The following NXPH2 variants were observed in gnomAD, a reference collection of about 807,000 sequenced individuals.
NXPH2 encodes neurexophilin-2.
Under a neutral mutation model 19.8 loss-of-function variants are expected in NXPH2, and 5 were observed. The observed-to-expected ratio is 0.25, with a 90% CI of 0.13 to 0.53. The LOEUF (loss-of-function observed/expected upper bound fraction) is 0.53, where lower values mean the gene tolerates loss of function less well. Among genes scored for constraint, NXPH2 ranks in the 20% least tolerant of loss-of-function variants. The pLI, the probability that NXPH2 is intolerant of heterozygous loss-of-function variation, is 0.96. For synonymous variants in NXPH2, 154 were observed against 127.4 expected (o/e 1.21, Z -1.41); for missense variants, 289 against 322.8 (o/e 0.90, Z 0.80).
chr2:138,680,041 G>T (rs1178590022), intron 1 of NXPH2, among the ~76,000 whole-genome samples: 1 of 152,016 alleles, frequency 6.6e-6, no homozygotes, highest in Admixed American at 6.6e-5. Context: ...GCAAAGAAAT[G>T]AATAAGAAAA....
intron 1 of NXPH2, among the ~76,000 whole-genome samples, chr2:138,759,830 C>T (rs569038116): frequency 2.0e-5 from 3 of 150,946 alleles, no homozygotes; most frequent in Admixed American, 1.3e-4. Context: ...CCCAGGTTCA[C>T]GCCATTCTCC....
At chr2:138,730,862 G>A (rs1417649231) in intron 1 of NXPH2, among the ~76,000 whole-genome samples, 5 of 152,274 alleles carry the variant, frequency 3.3e-5, no homozygotes, top group Middle Eastern at 3.4e-3. Flanking sequence ...ACGCCACTGG[G>A]TCTGGAGTGG....
chr2:138,701,171 T>G (rs1680916826), intron 1 of NXPH2, among the ~76,000 whole-genome samples: 1 of 152,092 alleles, frequency 6.6e-6, no homozygotes, highest in African/African-American at 2.4e-5. Flanking sequence ...CTAGGAGCGT[T>G]TGCAATCTGC....
At chr2:138,694,678 T>C (rs1221773098) in intron 1 of NXPH2, among the ~76,000 whole-genome samples, 1 of 152,198 alleles carries the variant, frequency 6.6e-6, no homozygotes, top group Non-Finnish European at 1.5e-5. Context: ...GTTTGTAGTA[T>C]AGATGGTCTC....
At chr2:138,755,325 G>A (rs916309213) in intron 1 of NXPH2, among the ~76,000 whole-genome samples, 4 of 151,872 alleles carry the variant, frequency 2.6e-5, no homozygotes, top group Non-Finnish European at 5.9e-5. Flanking sequence ...TATGTCTATG[G>A]TCTGTTTTGA....
intron 1 of NXPH2, among the ~76,000 whole-genome samples, chr2:138,758,930 A>G (rs1282351819): frequency 2.0e-5 from 3 of 152,194 alleles, no homozygotes; most frequent in Non-Finnish European, 4.4e-5. Context: ...ACCTTGACAG[A>G]TATAAAACTT....
At chr2:138,742,051 C>A (rs1384144331) in intron 1 of NXPH2, among the ~76,000 whole-genome samples, 2 of 151,874 alleles carry the variant, frequency 1.3e-5, no homozygotes, top group Non-Finnish European at 2.9e-5. Flanking sequence ...TGTCAGCAAT[C>A]CAAATGAAAG....
intron 1 of NXPH2, among the ~76,000 whole-genome samples, chr2:138,776,783 G>T (rs946405971): frequency 6.6e-6 from 1 of 151,858 alleles, no homozygotes; most frequent in Non-Finnish European, 1.5e-5. Context: ...TACAGAAGAA[G>T]AAATAAATAG....
intron 1 of NXPH2, among the ~76,000 whole-genome samples, chr2:138,691,866 G>A (rs1365308160): frequency 6.6e-6 from 1 of 152,164 alleles, no homozygotes; most frequent in East Asian, 1.9e-4. Context: ...CTTTCCAAAA[G>A]CAGAAGTGGA....
chr2:138,744,487 G>A (rs1485362093), intron 1 of NXPH2, among the ~76,000 whole-genome samples: 1 of 151,824 alleles, frequency 6.6e-6, no homozygotes, highest in Non-Finnish European at 1.5e-5. Context: ...GTACCCAAAG[G>A]CATCTTTTGG....
intron 1 of NXPH2, among the ~76,000 whole-genome samples, chr2:138,707,607 T>G (rs376208736): frequency 1.7e-4 from 26 of 152,084 alleles, no homozygotes; most frequent in African/African-American, 6.3e-4. Context: ...TAATACAGTC[T>G]AGGGTTGCAT....
At chr2:138,736,621 T>C (rs1252242957) in intron 1 of NXPH2, among the ~76,000 whole-genome samples, 1 of 152,198 alleles carries the variant, frequency 6.6e-6, no homozygotes, top group Non-Finnish European at 1.5e-5. Context: ...ATTTTTCCCA[T>C]TGTCTTGGAG....
intron 1 of NXPH2, among the ~76,000 whole-genome samples, chr2:138,761,118 C>T (rs1682007836): frequency 6.6e-6 from 1 of 152,068 alleles, no homozygotes; most frequent in East Asian, 1.9e-4. Flanking sequence ...CCATAAAGAT[C>T]CAAAGATTTT....
chr2:138,736,066 G>A (rs554597729), intron 1 of NXPH2, among the ~76,000 whole-genome samples: 5 of 152,172 alleles, frequency 3.3e-5, no homozygotes, highest in African/African-American at 7.2e-5. Context: ...CTGCTTTCAC[G>A]GTCTGGCATT....
intron 1 of NXPH2, among the ~76,000 whole-genome samples, chr2:138,731,360 G>A (rs188935623): frequency 1.3e-5 from 2 of 152,192 alleles, no homozygotes; most frequent in Non-Finnish European, 2.9e-5. Flanking sequence ...CGCTTTTATT[G>A]TGTACCTGCT....
At chr2:138,771,860 C>T (rs928402475) in intron 1 of NXPH2, among the ~76,000 whole-genome samples, 2 of 152,038 alleles carry the variant, frequency 1.3e-5, no homozygotes, top group Non-Finnish European at 2.9e-5. Flanking sequence ...AAAGTGCCTC[C>T]CCAAAAGAAA....
Position 138,745,828 on chromosome 2 carries a change from G to T in NXPH2, c.51+34363C>A, listed in dbSNP as rs1292638503. 3.3e-5 allele frequency among the ~76,000 whole-genome samples: 5 copies of T among 151,318 alleles called. 1 individual carries two copies. On this transcript the variant is annotated intron_variant, in intron 1 of 1. Transcript: ENST00000272641. ...GAGGAATTCAATTATAGGGTGGGGG[G>T]AAGAAGCAGGAAGGTGGTTTAGTTG...
intron 1 of NXPH2, among the ~76,000 whole-genome samples, chr2:138,741,927 TG>T (rs1681649232): frequency 6.6e-6 from 1 of 152,214 alleles, no homozygotes; most frequent in South Asian, 2.1e-4. Flanking sequence ...CATGGCAAAA[TG>T]CACTATTGCT....
At chr2:138,730,825 T>A (rs966931462) in intron 1 of NXPH2, among the ~76,000 whole-genome samples, 3 of 152,200 alleles carry the variant, frequency 2.0e-5, no homozygotes, top group Non-Finnish European at 4.4e-5. Flanking sequence ...ACAAAACCCA[T>A]GAGCATAACA....
Sources: allele counts gnomAD v4.1 joint callset (sites outside exome capture counted in the v4.1 genomes callset), GRCh38; gene constraint gnomAD v4.1.1; transcripts MANE v1.5; gene names NCBI Gene and HGNC (gene_info 2026-07-23, HGNC 2026-07-21).